ITGA6: variants seen among roughly 807,000 people sequenced by gnomAD.
ITGA6 encodes integrin subunit alpha 6.
In ITGA6, 63 loss-of-function variants were observed where a neutral mutation model predicts 133.6. The observed-to-expected ratio is 0.47, with a 90% confidence interval of 0.38 to 0.58. The LOEUF (loss-of-function observed/expected upper bound fraction) is 0.58, where lower values mean the gene tolerates loss of function less well. Among genes scored for constraint, ITGA6 ranks in the 20% least tolerant of loss-of-function variants. ITGA6 has a pLI of 0.00. For missense variants in ITGA6, 1,068 were observed against 1,309.4 expected, an observed-to-expected ratio of 0.82 and a Z score of 2.85; for synonymous variants, 434 against 482.0, an observed-to-expected ratio of 0.90 and a Z score of 1.30.
chr2:172,504,188 A>G lies in ITGA6; in HGVS notation c.*120A>G. ...GAGCGAGAGATCAAAGATGAAAAGT[A>G]TATTGATAACCTTGAAAAAAAACAG... On this transcript the variant is annotated 3_prime_UTR_variant, in exon 26 of 26. Transcript: ENST00000684293. The G allele has an allele frequency of 6.3e-7, 1 of 1,590,498 alleles. No individual in the cohort carries two copies. The highest frequency in any genetic ancestry group is 2.3e-5 in the East Asian group (1 of 44,196).
intron 4 of ITGA6, 39 bp downstream of exon 4, chr2:172,469,419 C>G: frequency 1.5e-6 from 2 of 1,347,094 alleles, no homozygotes; most frequent in Non-Finnish European, 2.0e-6. Flanking sequence ...GATTAGTTCC[C>G]CTAATTTCTG....
At chr2:172,432,321 T>A (rs1345532528) in intron 1 of ITGA6, among the ~76,000 whole-genome samples, 2 of 152,234 alleles carry the variant, frequency 1.3e-5, no homozygotes, top group African/African-American at 4.8e-5. Context: ...ATTCTGATGT[T>A]TTGTGCTAAA....
chr2:172,442,213 C>T (rs1487936856), intron 1 of ITGA6, among the ~76,000 whole-genome samples: 2 of 152,174 alleles, frequency 1.3e-5, no homozygotes, highest in Admixed American at 6.5e-5. Flanking sequence ...AGATGAAAGG[C>T]GAGGTGCCTG....
chr2:172,485,778 T>C (rs1232121933), intron 13 of ITGA6, among the ~76,000 whole-genome samples: 2 of 152,172 alleles, frequency 1.3e-5, no homozygotes, highest in African/African-American at 4.8e-5. Context: ...GGATACCTCA[T>C]ATGAGGTGGG....
intron 1 of ITGA6, among the ~76,000 whole-genome samples, chr2:172,443,345 C>T (rs1684620687): frequency 6.6e-6 from 1 of 152,194 alleles, no homozygotes; most frequent in Non-Finnish European, 1.5e-5. Context: ...CAGATAATTT[C>T]TAATCCTTCG....
At position 172,504,755 on chromosome 2, in the gene ITGA6, A is replaced by C. The variant is rs925932711; in HGVS notation, c.*687A>C. 4 of 152,778 alleles carry C rather than the reference A, an allele frequency of 2.6e-5. No homozygotes were observed. Among genetic ancestry groups the C allele is most frequent in the African/African-American group, 9.6e-5 (4 of 41,452 alleles). The allele number at this position is 152,778 out of a possible 1,614,324, so 9.5% of individuals were successfully genotyped here. The stretch of plus-strand genomic sequence containing the variant: ...TAAACTAAATGTGCAATAGAAGGTG[A>C]TGTTGCCATCCTACCGTCTTTTCCT... On this transcript the variant is annotated 3_prime_UTR_variant, in exon 26 of 26. Coordinates refer to ENST00000684293, the MANE Select transcript of ITGA6 (RefSeq NM_000210.4).
At position 172,491,074 on chromosome 2, in the gene ITGA6, T is replaced by C; in HGVS notation, c.2730T>C (p.Asp910=). ...KKREITEKQI[D]DNRKFSLFAE... ...GGGAAATTACTGAAAAACAGATAGATGATAACAGAAAATTTTCTTTATTTG... is the reference window on the plus strand; with the variant it reads ...GGGAAATTACTGAAAAACAGATAGACGATAACAGAAAATTTTCTTTATTTG... Residue 910 remains aspartate (D), a synonymous_variant, in exon 21 of 26, where the codon GAT becomes GAC. Coordinates refer to ENST00000684293, the MANE Select transcript of ITGA6 (RefSeq NM_000210.4). This position sits in a 1 kb window ranked among gnomAD's most constrained non-coding sequence, Gnocchi z 4.4. 1 of 1,595,276 alleles carries C rather than the reference T, an allele frequency of 6.3e-7. No individual in the cohort carries two copies. Among genetic ancestry groups the C allele is most frequent in the East Asian group, 2.2e-5 (1 of 44,758 alleles).
At position 172,465,596 on chromosome 2, in the gene ITGA6, G is replaced by A. The variant is rs200193154; in HGVS notation, c.240G>A (p.Thr80=). The A allele has an allele frequency of 6.9e-5, 111 of 1,614,262 alleles. 1 individual carries two copies. In the South Asian group the frequency reaches 1.0e-3, roughly 15 times the overall value. Residue 80 remains threonine, a synonymous_variant, in exon 2 of 26, where the codon ACG becomes ACA. Coordinates refer to ENST00000684293, the MANE Select transcript of ITGA6 (RefSeq NM_000210.4). Reference sequence around the variant, plus strand: ...TTCCACTGCAGAGAGCCAACAGAACGGGAGGGCTGTACAGCTGCGACATCA... The same window carrying A: ...TTCCACTGCAGAGAGCCAACAGAACAGGAGGGCTGTACAGCTGCGACATCA... The part of the protein sequence containing the change: ...EALPLQRANR[T]GGLYSCDITA...
rs1223245882 is a variant in ITGA6 at position 172,453,532 on chromosome 2, C to T, written c.183-12007C>T. Among the ~76,000 whole-genome samples, 77 of 152,268 alleles carry T rather than the reference C, an allele frequency of 5.1e-4. 1 individual carries two copies. The highest frequency in any genetic ancestry group is 3.8e-4 in the Non-Finnish European group (26 of 68,026). On this transcript the variant is annotated intron_variant, in intron 1 of 25. Coordinates refer to ENST00000684293, the MANE Select transcript of ITGA6 (RefSeq NM_000210.4). ...CAAAACCCTGTCTCAGAAAGAAAAT[C>T]ACAGTATACATGGAATACAAAGGTT...
At chr2:172,459,046 G>A (rs1312722546) in intron 1 of ITGA6, among the ~76,000 whole-genome samples, 3 of 152,116 alleles carry the variant, frequency 2.0e-5, no homozygotes, top group East Asian at 1.9e-4. Context: ...TTCACCACCT[G>A]ACTAGTTAAC....
chr2:172,445,980 T>A (rs1400889518), intron 1 of ITGA6, among the ~76,000 whole-genome samples: 1 of 152,238 alleles, frequency 6.6e-6, no homozygotes, highest in African/African-American at 2.4e-5. Context: ...CACATCCAGC[T>A]AAAGAGGGAG....
chr2:172,442,631 T>C (rs991274724), intron 1 of ITGA6, among the ~76,000 whole-genome samples: 1 of 152,224 alleles, frequency 6.6e-6, no homozygotes, highest in African/African-American at 2.4e-5. Flanking sequence ...ACCTCTTTTC[T>C]TCCATGTAGT....
chr2:172,457,036 A>G (rs1685236031), intron 1 of ITGA6, among the ~76,000 whole-genome samples: 1 of 152,166 alleles, frequency 6.6e-6, no homozygotes, highest in African/African-American at 2.4e-5. Flanking sequence ...GCTCACACCT[A>G]TAATCCTAAC....
intron 19 of ITGA6, among the ~76,000 whole-genome samples, chr2:172,489,012 T>G (rs766471633): frequency 1.3e-5 from 2 of 152,156 alleles, no homozygotes; most frequent in Non-Finnish European, 2.9e-5. Context: ...ACTCTCAGAT[T>G]CATGGCTGTC....
At chr2:172,471,735 C>T (rs950135294) in intron 5 of ITGA6, among the ~76,000 whole-genome samples, 4 of 152,232 alleles carry the variant, frequency 2.6e-5, no homozygotes, top group African/African-American at 9.6e-5. Context: ...GGCTTGTTTG[C>T]ATGACTAATG....
At chr2:172,454,818 C>A (rs1291923274) in intron 1 of ITGA6, among the ~76,000 whole-genome samples, 1 of 152,152 alleles carries the variant, frequency 6.6e-6, no homozygotes, top group Non-Finnish European at 1.5e-5. Flanking sequence ...AAGAGGGAGA[C>A]TTGAAGATGC....
chr2:172,434,390 G>A (rs1349153683), intron 1 of ITGA6, among the ~76,000 whole-genome samples: 1 of 152,092 alleles, frequency 6.6e-6, no homozygotes, highest in Non-Finnish European at 1.5e-5. Flanking sequence ...CTGCTATCTG[G>A]CTTTTCTGCT....
rs1686923455 is a variant in ITGA6 at position 172,491,412 on chromosome 2, T to C, written c.2890-13T>C. The C allele has an allele frequency of 6.2e-7, 1 of 1,604,980 alleles. No homozygotes were observed. The highest frequency in any genetic ancestry group is 1.1e-5 in the South Asian group (1 of 90,908). On this transcript the variant is annotated splice_polypyrimidine_tract_variant and intron_variant, in intron 22 of 25. Coordinates refer to ENST00000684293, the MANE Select transcript of ITGA6 (RefSeq NM_000210.4). The surrounding 1 kb of genome is among the most constrained non-coding windows in gnomAD (Gnocchi z 4.4). ...CTTTTCACTTCCCTAATGCATTCACTGTCTCCAAACAGGAATATTCCAAAC... is the reference window on the plus strand; with the variant it reads ...CTTTTCACTTCCCTAATGCATTCACCGTCTCCAAACAGGAATATTCCAAAC...
At chr2:172,450,715 G>C (rs938619876) in intron 1 of ITGA6, among the ~76,000 whole-genome samples, 1 of 151,774 alleles carries the variant, frequency 6.6e-6, no homozygotes, top group African/African-American at 2.4e-5. Flanking sequence ...AGCACTTTGG[G>C]AGGCTGAGGC....
Sources: allele counts gnomAD v4.1 joint callset (sites outside exome capture counted in the v4.1 genomes callset), GRCh38; gene constraint gnomAD v4.1.1; non-coding constraint Gnocchi (gnomAD v3.1); transcripts MANE v1.5; gene names NCBI Gene and HGNC (gene_info 2026-07-23, HGNC 2026-07-21).